Variants in PAM observed in about 807,000 individuals in gnomAD.
The protein encoded by PAM is peptidyl-glycine alpha-amidating monooxygenase.
A neutral mutation model predicts 122.1 loss-of-function variants in PAM; 72 were observed. The ratio of observed to expected loss-of-function variants is 0.59; its 90% CI spans 0.49 to 0.72. The LOEUF is 0.72. Ranked by LOEUF, PAM falls within the 30% of genes least tolerant of loss-of-function variation. The pLI, the probability that PAM is intolerant of heterozygous loss-of-function variation, is 0.00. For missense variants in PAM, 1,106 were observed against 1,183.7 expected (o/e 0.93, Z 0.96); for synonymous variants, 389 against 404.4 (o/e 0.96, Z 0.46).
At chr5:102,817,979 CT>C (rs1259968562) in intron 1 of PAM, among the ~76,000 whole-genome samples, 2 of 118,352 alleles carry the variant, frequency 1.7e-5, no homozygotes, top group African/African-American at 6.4e-5. Context: ...CAGGTCTTTT[CT>C]TTGTAAAACC....
chr5:102,915,447 T>C (rs1256832344), intron 5 of PAM, among the ~76,000 whole-genome samples: 1 of 152,142 alleles, frequency 6.6e-6, no homozygotes, highest in Non-Finnish European at 1.5e-5. Context: ...ACCCAACCTA[T>C]GTGACTGGGT....
At chr5:103,003,400 C>T (rs1241991475) in intron 17 of PAM, among the ~76,000 whole-genome samples, 1 of 152,154 alleles carries the variant, frequency 6.6e-6, no homozygotes, top group Non-Finnish European at 1.5e-5. Context: ...CTTCTGAGAA[C>T]TGTCTGTTCA....
At chr5:102,820,075 A>C (rs1401686193) in intron 1 of PAM, among the ~76,000 whole-genome samples, 1 of 152,120 alleles carries the variant, frequency 6.6e-6, no homozygotes, top group Admixed American at 6.5e-5. Context: ...AATATTTATT[A>C]ATAATTGTGT....
chr5:102,895,097 G>T (rs1795839225), intron 3 of PAM, among the ~76,000 whole-genome samples: 1 of 151,542 alleles, frequency 6.6e-6, no homozygotes. Context: ...ACATCTACAT[G>T]CCCAGTCCAA....
chr5:102,946,858 G>A lies in PAM; in HGVS notation c.548G>A (p.Gly183Asp). 1 of 1,600,734 alleles carries A rather than the reference G, an allele frequency of 6.2e-7. No individual in the cohort carries two copies. The highest frequency in any genetic ancestry group is 8.6e-7 in the Non-Finnish European group (1 of 1,168,838). Residue 183 changes from glycine (G) to aspartate (D), a missense_variant, in exon 8 of 26, where the codon GGT becomes GAT. By Grantham distance (94) the Gly-to-Asp change is moderately conservative (BLOSUM62 -1). This residue lies in a region of PAM where 670 missense variants were observed against 690.3 expected (regional missense o/e 0.97). Transcript: ENST00000438793. ...AFRDNNKDCSGVSLHLTRLPQ... is the reference protein window; with the variant it reads ...AFRDNNKDCSDVSLHLTRLPQ... ...TCAGATAATAACAAGGACTGTTCTG[G>A]TGTGTCCTTACACCTCACACGTCTG...
intron 21 of PAM, among the ~76,000 whole-genome samples, chr5:103,016,841 T>C (rs1284173826): frequency 6.6e-6 from 1 of 152,224 alleles, no homozygotes; most frequent in Non-Finnish European, 1.5e-5. Context: ...GAAATGATTT[T>C]TCTTATCAAT....
intron 7 of PAM, among the ~76,000 whole-genome samples, chr5:102,929,640 A>G (rs1750749998): frequency 1.3e-5 from 2 of 152,154 alleles, no homozygotes; most frequent in African/African-American, 2.4e-5. Context: ...GTTTTAGACA[A>G]TTGAGAAACT....
At chr5:102,994,774 C>A (rs1366128874) in intron 16 of PAM, among the ~76,000 whole-genome samples, 3 of 152,074 alleles carry the variant, frequency 2.0e-5, no homozygotes. Flanking sequence ...AGCATTGTTT[C>A]AATTTACAGA....
At chr5:102,953,974 T>C (rs1759850738) in intron 12 of PAM, among the ~76,000 whole-genome samples, 1 of 152,040 alleles carries the variant, frequency 6.6e-6, no homozygotes, top group African/African-American at 2.4e-5. Context: ...GATCATGCCA[T>C]TGCGCTTCAG....
At chr5:102,916,215 A>G (rs1468924670) in intron 5 of PAM, among the ~76,000 whole-genome samples, 2 of 152,090 alleles carry the variant, frequency 1.3e-5, no homozygotes, top group African/African-American at 4.8e-5. Context: ...CCATAATTCT[A>G]TGAATATAAA....
At chr5:103,021,488 A>C (rs1562271836) in intron 23 of PAM, among the ~76,000 whole-genome samples, 1 of 152,184 alleles carries the variant, frequency 6.6e-6, no homozygotes, top group Non-Finnish European at 1.5e-5. Flanking sequence ...ATGGATGAAT[A>C]ATGCTGTCAT....
chr5:102,959,112 ACTT>A (rs1033933429), intron 12 of PAM, among the ~76,000 whole-genome samples: 14 of 152,256 alleles, frequency 9.2e-5, no homozygotes, highest in Non-Finnish European at 1.9e-4. Context: ...ATCATTGGGA[ACTT>A]TTTTCTTGGA....
intron 1 of PAM, among the ~76,000 whole-genome samples, chr5:102,838,764 T>C (rs1351217428): frequency 6.6e-6 from 1 of 152,196 alleles, no homozygotes; most frequent in Non-Finnish European, 1.5e-5. Flanking sequence ...AATCCATTAA[T>C]GACACATATA....
intron 1 of PAM, among the ~76,000 whole-genome samples, chr5:102,785,781 G>A (rs965237194): frequency 2.6e-5 from 4 of 152,096 alleles, no homozygotes; most frequent in East Asian, 1.9e-4. Flanking sequence ...TTTTTGTCTC[G>A]TTGGAAATTT....
At chr5:102,769,981 T>C (rs553843621) in intron 1 of PAM, among the ~76,000 whole-genome samples, 2 of 152,274 alleles carry the variant, frequency 1.3e-5, no homozygotes, top group African/African-American at 4.8e-5. Context: ...TTCCAATCCA[T>C]GATCATAGGA....
At chr5:102,814,525 C>A (rs60582458) in intron 1 of PAM, among the ~76,000 whole-genome samples, 17,099 of 143,196 alleles carry the variant, frequency 0.12, 2,419 homozygotes, top group African/African-American at 0.34. Context: ...CTCCCTCTCT[C>A]TATATATACA....
chr5:102,758,068 A>ATTTTGTT (rs1751046869), intron 1 of PAM, among the ~76,000 whole-genome samples: 8 of 87,608 alleles, frequency 9.1e-5, no homozygotes, highest in Non-Finnish European at 1.6e-4. Flanking sequence ...AAGACTTAGA[A>ATTTTGTT]TTTTGTTTTT....
chr5:102,761,805 G>A (rs1752434702), intron 1 of PAM, among the ~76,000 whole-genome samples: 1 of 152,202 alleles, frequency 6.6e-6, no homozygotes, highest in African/African-American at 2.4e-5. Context: ...TGAATAGCAT[G>A]ATAATTGTTG....
At chr5:102,784,072 T>G (rs1759817479) in intron 1 of PAM, among the ~76,000 whole-genome samples, 1 of 152,122 alleles carries the variant, frequency 6.6e-6, no homozygotes, top group Non-Finnish European at 1.5e-5. Context: ...ATTTTGCATT[T>G]TTAGTAGAGA....
Sources: gnomAD v4.1 joint callset for allele counts (sites outside exome capture counted in the v4.1 genomes callset) on GRCh38, gnomAD v4.1.1 for gene constraint, gnomAD v4.1.1 regional missense constraint, MANE v1.5 for transcripts, NCBI Gene and HGNC (gene_info 2026-07-23, HGNC 2026-07-21) for gene names.